Variants in UBA3 observed in about 807,000 individuals in gnomAD.
UBA3 encodes the protein NEDD8-activating enzyme E1 catalytic subunit.
Under a neutral mutation model 73.5 loss-of-function variants are expected in UBA3, and 26 were observed. The observed-to-expected ratio is 0.35, with a 90% CI of 0.26 to 0.49. The LOEUF is 0.49. Ranked by LOEUF, UBA3 falls within the 20% of genes least tolerant of loss-of-function variation. UBA3 has a pLI of 0.98. For synonymous variants in UBA3, 217 were observed against 191.2 expected (o/e 1.13, Z -1.11); for missense variants, 495 against 555.6 (o/e 0.89, Z 1.10).
intron 2 of UBA3, 129 bp downstream of exon 2, chr3:69,079,983 G>A (rs755582190): frequency 1.2e-6 from 1 of 820,456 alleles, no homozygotes; most frequent in Non-Finnish European, 1.9e-6. Context: ...CAGGGGATGA[G>A]GCAGCGCGGC....
At position 69,080,314 on chromosome 3, in the gene UBA3, T is replaced by C; in HGVS notation, c.20+20A>G. 6.2e-7 allele frequency: 1 copy of C among 1,604,324 alleles called. No individual in the cohort carries two copies. The highest frequency in any genetic ancestry group is 8.5e-7 in the Non-Finnish European group (1 of 1,177,316). On this transcript the variant is annotated intron_variant, in intron 1 of 17. Coordinates refer to ENST00000361055, the MANE Select transcript of UBA3 (RefSeq NM_003968.4). Reference sequence around the variant, plus strand: ...ACAACCCAGCCCAGCCCGGCGCGTCTGCAGAGCCCCGGTACTTACGGCTCC... The same window carrying C: ...ACAACCCAGCCCAGCCCGGCGCGTCCGCAGAGCCCCGGTACTTACGGCTCC...
chr3:69,062,238 T>C (rs529090344), intron 9 of UBA3, 59 bp from the exon 10 acceptor site: 1 of 1,132,826 alleles, frequency 8.8e-7, no homozygotes, highest in African/African-American at 1.5e-5. Context: ...AAAATGCAAC[T>C]TCCAGTTATG....
chr3:69,077,270 C>T (rs1196823797), intron 3 of UBA3: 1 of 151,940 alleles, frequency 6.6e-6, no homozygotes, highest in African/African-American at 2.4e-5. Flanking sequence ...TACAAAAGCA[C>T]ATAAAGATGT....
intron 4 of UBA3, among the ~76,000 whole-genome samples, chr3:69,072,195 A>C (rs1040485419): frequency 6.6e-5 from 10 of 152,252 alleles, no homozygotes; most frequent in African/African-American, 2.4e-4. Context: ...GGTTTCCATA[A>C]TAATGCCATG....
Position 69,067,977 on chromosome 3 carries a change from C to T in UBA3, c.379G>A (p.Val127Ile). The T allele has an allele frequency of 6.2e-7, 1 of 1,607,068 alleles. No homozygotes were observed. The highest frequency in any genetic ancestry group is 8.5e-7 in the Non-Finnish European group (1 of 1,176,278). Reference protein sequence around the residue: ...PKDIGRPKAEVAAEFLNDRVP... With the variant: ...PKDIGRPKAEIAAEFLNDRVP... ...CTGTCATTTAGAAATTCTGCAGCAA[C>T]TTCAGCCTTAGGTCTTCCAATATCT... Residue 127 changes from valine to isoleucine, a missense_variant, in exon 6 of 18, where the codon GTT becomes ATT. Val to Ile is a conservative substitution (Grantham distance 29). Coordinates refer to ENST00000361055, the MANE Select transcript of UBA3 (RefSeq NM_003968.4).
intron 6 of UBA3, among the ~76,000 whole-genome samples, chr3:69,065,796 A>C (rs2092065289): frequency 1.3e-5 from 2 of 152,000 alleles, no homozygotes; most frequent in Admixed American, 1.3e-4. Flanking sequence ...CATGCAGTAT[A>C]TGACCTTTTG....
intron 11 of UBA3, among the ~76,000 whole-genome samples, chr3:69,061,217 G>A (rs144328713): frequency 2.5e-3 from 387 of 152,320 alleles, no homozygotes; most frequent in Non-Finnish European, 4.2e-3. Flanking sequence ...ATTTTGAGAC[G>A]AAGTTTTGCT....
chr3:69,080,204 C>CGCGAGGGGAGGGGG (rs1175210857), intron 1 of UBA3, 51 bp from the exon 2 acceptor site: 2 of 1,265,506 alleles, frequency 1.6e-6, no homozygotes, highest in Non-Finnish European at 1.1e-6. Flanking sequence ...CACTGGGCGC[C>CGCGAGGGGAGGGGG]GCGAGGGGAG....
chr3:69,067,899 A>T, intron 6 of UBA3, 29 bp downstream of exon 6: 1 of 1,508,718 alleles, frequency 6.6e-7, no homozygotes, highest in Non-Finnish European at 9.1e-7. Context: ...TTTAAAAATT[A>T]AGTAATTTTC....
chr3:69,077,965 A>C (rs752687682), intron 2 of UBA3, 47 bp from the exon 3 acceptor site: 2 of 1,604,842 alleles, frequency 1.2e-6, no homozygotes, highest in Admixed American at 1.7e-5. Flanking sequence ...GTATGAAAAA[A>C]ACCACACCTA....
intron 4 of UBA3, 87 bp downstream of exon 4, chr3:69,075,343 C>G (rs928191533): frequency 1.7e-6 from 1 of 580,860 alleles, no homozygotes; most frequent in East Asian, 5.0e-5. Flanking sequence ...TTAAGAATCA[C>G]GAGAAATTCC....
At chr3:69,057,166 A>G in intron 12 of UBA3, 90 bp downstream of exon 12, 1 of 1,299,012 alleles carries the variant, frequency 7.7e-7, no homozygotes, top group Non-Finnish European at 1.1e-6. Flanking sequence ...ATCCAAGAAG[A>G]TATCAAATTC....
intron 6 of UBA3, among the ~76,000 whole-genome samples, chr3:69,067,564 C>G (rs1175311246): frequency 1.3e-5 from 2 of 152,142 alleles, no homozygotes; most frequent in Non-Finnish European, 2.9e-5. Flanking sequence ...TATTGACTGT[C>G]TACTCTGTCT....
rs2091963045 is a variant in UBA3, at chr3:69,055,256, A to C, written c.*181T>G. 3 of 416,768 alleles carry C rather than the reference A, an allele frequency of 7.2e-6. No homozygotes were observed. The Admixed American group carries it at 1.4e-4, about 19-fold the overall frequency. The allele number at this position is 416,768 out of a possible 1,614,324, so 25.8% of individuals were successfully genotyped here. On this transcript the variant is annotated 3_prime_UTR_variant, in exon 18 of 18. Transcript: ENST00000361055. The stretch of plus-strand genomic sequence containing the variant: ...TCTCATATTATTAATGAAAATGCTT[A>C]CAAGCACCAACACCAAAATTCTGTC...
chr3:69,064,237 G>A, intron 6 of UBA3, 126 bp from the exon 7 acceptor site: 1 of 714,078 alleles, frequency 1.4e-6, no homozygotes, highest in Non-Finnish European at 2.2e-6. Flanking sequence ...TCACATCAGT[G>A]GAATTCAAGG....
chr3:69,075,730 C>CTT (rs60272924), intron 3 of UBA3, among the ~76,000 whole-genome samples: 38 of 149,678 alleles, frequency 2.5e-4, no homozygotes, highest in East Asian at 5.9e-4. Flanking sequence ...GTTAATTTTT[C>CTT]TTTTTTTTTT....
intron 17 of UBA3, 132 bp downstream of exon 17, chr3:69,055,719 C>CTA: frequency 1.0e-6 from 1 of 958,598 alleles, no homozygotes; most frequent in South Asian, 1.6e-5. Context: ...ATTAATATGT[C>CTA]TAAAGTTGTA....
At chr3:69,057,019 T>C (rs1198697186) in intron 12 of UBA3, among the ~76,000 whole-genome samples, 1 of 152,244 alleles carries the variant, frequency 6.6e-6, no homozygotes, top group Non-Finnish European at 1.5e-5. Flanking sequence ...TTTTCTTGTT[T>C]ATCAGATTAA....
At chr3:69,060,513 A>G (rs935644663) in intron 11 of UBA3, among the ~76,000 whole-genome samples, 1 of 152,228 alleles carries the variant, frequency 6.6e-6, no homozygotes, top group Non-Finnish European at 1.5e-5. Context: ...GACCAGTCCC[A>G]TAATGCTGCA....
Sources: allele counts gnomAD v4.1 joint callset (sites outside exome capture counted in the v4.1 genomes callset), GRCh38; gene constraint gnomAD v4.1.1; transcripts MANE v1.5; gene names NCBI Gene and HGNC (gene_info 2026-07-23, HGNC 2026-07-21).